Variants in CHD9 observed in about 807,000 individuals in gnomAD.
CHD9 encodes the protein chromodomain helicase DNA binding protein 9.
CHD9 carries 77 observed loss-of-function variants against 316.1 expected under a neutral mutation model. The observed-to-expected ratio is 0.24, with a 90% CI of 0.20 to 0.29. The LOEUF (loss-of-function observed/expected upper bound fraction) is 0.29. Among genes scored for constraint, CHD9 ranks in the 10% least tolerant of loss-of-function variants. The probability of loss-of-function intolerance (pLI) is 1.00; values close to 1 mark genes in which losing one functional copy is unlikely to be tolerated. For synonymous variants in CHD9, 1,129 were observed against 1,158.3 expected (o/e 0.97, Z 0.51); for missense variants, 2,763 against 3,438.1 (o/e 0.80, Z 4.91).
intron 24 of CHD9, among the ~76,000 whole-genome samples, chr16:53,275,112 A>C (rs973790436): frequency 3.3e-5 from 5 of 151,974 alleles, no homozygotes; most frequent in Non-Finnish European, 7.4e-5. Flanking sequence ...GCTCACTGCA[A>C]CCTCCATCTC....
At chr16:53,180,436 A>G (rs2043414777) in intron 2 of CHD9, among the ~76,000 whole-genome samples, 1 of 152,320 alleles carries the variant, frequency 6.6e-6, no homozygotes, top group South Asian at 2.1e-4. Flanking sequence ...ATCTCCTTAA[A>G]TTTATTTTAT....
At chr16:53,247,965 A>T (rs2049777803) in intron 16 of CHD9, 2 of 152,776 alleles carry the variant, frequency 1.3e-5, no homozygotes, top group African/African-American at 4.8e-5. Flanking sequence ...ATTTTTTCTG[A>T]TTTGTTTCAA....
chr16:53,233,773 G>A lies in CHD9; in HGVS notation c.2512-1412G>A, dbSNP rs2048382282. 2.0e-5 allele frequency among the ~76,000 whole-genome samples: 3 copies of A among 152,258 alleles called. No homozygotes were observed. In the South Asian group the frequency reaches 6.2e-4, roughly 32 times the overall value. ...CAAGGATATCAGGAGTTGTATGCCAGGAAATGGGAATGAAGATCAAATACA... is the reference window on the plus strand; with the variant it reads ...CAAGGATATCAGGAGTTGTATGCCAAGAAATGGGAATGAAGATCAAATACA... On this transcript the variant is annotated intron_variant, in intron 10 of 38. Coordinates refer to ENST00000447540, the MANE Select transcript of CHD9 (RefSeq NM_001308319.2).
At chr16:53,285,435 A>G (rs1188008015) in intron 24 of CHD9, among the ~76,000 whole-genome samples, 161 bp from the exon 25 acceptor site, 2 of 151,536 alleles carry the variant, frequency 1.3e-5, no homozygotes, top group Non-Finnish European at 2.9e-5. Context: ...TTATTGCACA[A>G]TTTCGTAATT....
At chr16:53,180,884 C>G in intron 2 of CHD9, among the ~76,000 whole-genome samples, 1 of 151,620 alleles carries the variant, frequency 6.6e-6, no homozygotes, top group Non-Finnish European at 1.5e-5. Context: ...ACCGTGTTAG[C>G]CAGGTTGGTC....
At chr16:53,124,467 ATTTTTTTTTTT>A (rs753476091) in intron 1 of CHD9, among the ~76,000 whole-genome samples, 7 of 96,924 alleles carry the variant, frequency 7.2e-5, no homozygotes, top group Non-Finnish European at 1.2e-4. Flanking sequence ...GTGAGACTTA[ATTTTTTTTTTT>A]TTTTTTTTTT....
intron 15 of CHD9, among the ~76,000 whole-genome samples, chr16:53,246,783 C>G (rs930805461): frequency 1.3e-5 from 2 of 152,164 alleles, no homozygotes; most frequent in South Asian, 4.1e-4. Context: ...CTTGGCCTCC[C>G]AAAGTGCTGA....
intron 1 of CHD9, among the ~76,000 whole-genome samples, chr16:53,069,617 G>A (rs1400503877): frequency 6.6e-6 from 1 of 152,196 alleles, no homozygotes; most frequent in African/African-American, 2.4e-5. Context: ...ATCTGCCACA[G>A]TGTGTTTATC....
At chr16:53,203,261 T>G (rs2152854040) in intron 2 of CHD9, among the ~76,000 whole-genome samples, 1 of 152,336 alleles carries the variant, frequency 6.6e-6, no homozygotes, top group South Asian at 2.1e-4. Flanking sequence ...TAAATTATCT[T>G]TATAATACCA....
intron 37 of CHD9, 29 bp from the exon 38 acceptor site, chr16:53,321,497 G>A (rs934152812): frequency 3.9e-5 from 59 of 1,514,442 alleles, no homozygotes; most frequent in Non-Finnish European, 5.0e-5. Flanking sequence ...TAACAGTGTT[G>A]TAGTATTTAA....
intron 1 of CHD9, chr16:53,130,971 T>G (rs1178528098): frequency 6.6e-6 from 1 of 151,188 alleles, no homozygotes; most frequent in African/African-American, 2.4e-5. Context: ...GGCGGGTGCG[T>G]GGCGGCGCGG....
intron 24 of CHD9, among the ~76,000 whole-genome samples, chr16:53,279,268 C>A (rs958958922): frequency 3.7e-4 from 56 of 152,044 alleles, no homozygotes; most frequent in African/African-American, 1.2e-3. Context: ...GACAAAAAAA[C>A]CAAACACCAC....
intron 18 of CHD9, 127 bp downstream of exon 18, chr16:53,254,732 A>G: frequency 1.4e-6 from 1 of 725,186 alleles, no homozygotes; most frequent in East Asian, 2.6e-5. Flanking sequence ...GCAGGGGAAC[A>G]TTTTCAGGAC....
chr16:53,303,188 T>G (rs2055613047), intron 30 of CHD9, among the ~76,000 whole-genome samples: 1 of 151,914 alleles, frequency 6.6e-6, no homozygotes, highest in East Asian at 1.9e-4. Flanking sequence ...ATGAGTTTTT[T>G]TTTTTTTTTT....
chr16:53,307,462 C>T (rs994412388), intron 32 of CHD9, among the ~76,000 whole-genome samples: 2 of 152,038 alleles, frequency 1.3e-5, no homozygotes, highest in African/African-American at 2.4e-5. Context: ...TGAGCCACCA[C>T]GCCTGCTTAT....
At chr16:53,199,030 T>C (rs80236995) in intron 2 of CHD9, among the ~76,000 whole-genome samples, 1 of 152,078 alleles carries the variant, frequency 6.6e-6, no homozygotes, top group East Asian at 1.9e-4. Flanking sequence ...TTTTTTTTTT[T>C]CATTGAGAAG....
chr16:53,243,517 T>A (rs961851560), intron 13 of CHD9, among the ~76,000 whole-genome samples: 1 of 152,222 alleles, frequency 6.6e-6, no homozygotes, highest in African/African-American at 2.4e-5. Context: ...TTCTCCATGT[T>A]GGTCAGGCTG....
intron 1 of CHD9, among the ~76,000 whole-genome samples, chr16:53,096,754 G>A (rs1249122061): frequency 1.1e-4 from 16 of 152,162 alleles, no homozygotes; most frequent in Admixed American, 1.0e-3. Flanking sequence ...TTTCTTCACA[G>A]TTACAGAGGC....
chr16:53,157,463 T>G lies in CHD9; in HGVS notation c.1374T>G (p.Ser458Arg). 1 of 1,614,002 alleles carries G rather than the reference T, an allele frequency of 6.2e-7. No homozygotes were observed. The highest frequency in any genetic ancestry group is 8.5e-7 in the Non-Finnish European group (1 of 1,179,874). ...ATATGGCTCAGACTCAGTTGCAAAG[T>G]CAGGCTCGGAGTTGGCATTCATCAT... ...PSDMAQTQLQ[S>R]QARSWHSSFS... Residue 458 changes from serine (S) to arginine (R), a missense_variant, in exon 2 of 39, where the codon AGT becomes AGG. Around this residue, in one of 15 missense-constraint regions of CHD9, gnomAD observed 859 missense variants for 890.4 expected, o/e 0.96. Coordinates refer to ENST00000447540, the MANE Select transcript of CHD9 (RefSeq NM_001308319.2).
Sources: gnomAD v4.1 joint callset for allele counts (sites outside exome capture counted in the v4.1 genomes callset) on GRCh38, gnomAD v4.1.1 for gene constraint, gnomAD v4.1.1 regional missense constraint, MANE v1.5 for transcripts, NCBI Gene and HGNC (gene_info 2026-07-23, HGNC 2026-07-21) for gene names.